Variants in OCA2 observed in about 807,000 individuals in gnomAD.
OCA2 encodes the protein OCA2 melanosomal transmembrane protein.
A neutral mutation model predicts 100.2 loss-of-function variants in OCA2; 77 were observed. The ratio of observed to expected loss-of-function variants is 0.77; its 90% CI spans 0.64 to 0.93. OCA2 has a LOEUF of 0.93. Among genes scored for constraint, OCA2 ranks in the 40% least tolerant of loss-of-function variants. OCA2 has a pLI of 0.00. For missense variants in OCA2, 1,062 were observed against 1,089.1 expected (o/e 0.98, Z 0.35); for synonymous variants, 432 against 439.2 (o/e 0.98, Z 0.21).
In OCA2 at chr15:28,011,885, C is replaced by A. The variant is rs113390938; in HGVS notation, c.1044+2891G>T. Among the ~76,000 whole-genome samples, 1,182 of 150,558 alleles carry A rather than the reference C, an allele frequency of 7.9e-3. 20 individuals carry two copies. Among genetic ancestry groups the A allele is most frequent in the African/African-American group, 0.028 (1,124 of 40,856 alleles). On this transcript the variant is annotated intron_variant, in intron 9 of 23. Transcript: ENST00000354638. Reference sequence around the variant, plus strand: ...TGAGCCGAGATTGGACCATTGCACTCCAGCCTGGGCAACAGAGGGAGACTC... The same window carrying A: ...TGAGCCGAGATTGGACCATTGCACTACAGCCTGGGCAACAGAGGGAGACTC...
intron 18 of OCA2, among the ~76,000 whole-genome samples, chr15:27,933,555 G>T (rs138941928): frequency 6.6e-6 from 1 of 152,196 alleles, no homozygotes; most frequent in African/African-American, 2.4e-5. Context: ...AGCTGAGTTC[G>T]AAAAGAGAGT....
chr15:27,766,084 G>A (rs1402673352), intron 23 of OCA2, among the ~76,000 whole-genome samples: 1 of 152,140 alleles, frequency 6.6e-6, no homozygotes, highest in Non-Finnish European at 1.5e-5. Context: ...TCAGCTTCCT[G>A]TCAGCCTCTA....
chr15:27,723,374 G>A, the OCA2 span, among the ~76,000 whole-genome samples: 6 of 152,256 alleles, frequency 3.9e-5, no homozygotes, highest in African/African-American at 1.2e-4. Context: ...CGTGCTATGA[G>A]CACTGCTGTG....
At chr15:27,866,777 C>A (rs2036342411) in intron 21 of OCA2, among the ~76,000 whole-genome samples, 1 of 152,200 alleles carries the variant, frequency 6.6e-6, no homozygotes, top group Non-Finnish European at 1.5e-5. Flanking sequence ...TTTGAAGCCT[C>A]CTCGGAGATC....
intron 19 of OCA2, among the ~76,000 whole-genome samples, chr15:27,882,727 G>A (rs1395980221): frequency 3.3e-5 from 5 of 151,950 alleles, no homozygotes; most frequent in Non-Finnish European, 7.4e-5. Flanking sequence ...ATTGGCTTCT[G>A]ACCACAATTT....
chr15:27,896,495 CA>C, intron 19 of OCA2: 1 of 561,648 alleles, frequency 1.8e-6, no homozygotes, highest in Non-Finnish European at 3.2e-6. Flanking sequence ...GGAACTGTCC[CA>C]AAATGTCCCT....
rs1460957931 is a variant in OCA2, at chr15:27,872,502, C to T, written c.2080-580G>A. 2.6e-5 allele frequency among the ~76,000 whole-genome samples: 4 copies of T among 152,188 alleles called. No individual in the cohort carries two copies. The South Asian group carries it at 8.3e-4, about 32-fold the overall frequency. On this transcript the variant is annotated intron_variant, in intron 19 of 23. Transcript: ENST00000354638. The stretch of plus-strand genomic sequence containing the variant: ...AGCCTTCTGCCCAGGTGGCCAAGGT[C>T]CCACACAGGGATGCCCAGAGGCTCA...
At chr15:27,959,694 C>T (rs1198898217) in intron 15 of OCA2, among the ~76,000 whole-genome samples, 1 of 152,164 alleles carries the variant, frequency 6.6e-6, no homozygotes, top group Non-Finnish European at 1.5e-5. Flanking sequence ...AGCCTGGGAA[C>T]CAAGGCTATG....
chr15:27,730,983 T>G, the OCA2 span, among the ~76,000 whole-genome samples: 2 of 151,722 alleles, frequency 1.3e-5, no homozygotes, highest in African/African-American at 4.8e-5. Flanking sequence ...GTTAAAAATT[T>G]TTTTTATTTC....
intron 18 of OCA2, among the ~76,000 whole-genome samples, chr15:27,933,100 G>A (rs1032612780): frequency 7.9e-5 from 12 of 152,310 alleles, no homozygotes; most frequent in African/African-American, 2.6e-4. Flanking sequence ...AACAAATGGT[G>A]TTGAGGAAAC....
At chr15:27,876,490 T>C (rs1268784928) in intron 19 of OCA2, among the ~76,000 whole-genome samples, 2 of 152,030 alleles carry the variant, frequency 1.3e-5, no homozygotes, top group Non-Finnish European at 2.9e-5. Context: ...ACCTCCATTA[T>C]TTTCTGAAAG....
chr15:27,835,909 G>A (rs796344692), intron 23 of OCA2, among the ~76,000 whole-genome samples: 1 of 152,200 alleles, frequency 6.6e-6, no homozygotes, highest in Non-Finnish European at 1.5e-5. Context: ...TGGAGGGGGG[G>A]TGGTCACCCC....
chr15:27,771,386 TAAAAAAAA>T (rs35814221), intron 23 of OCA2, among the ~76,000 whole-genome samples: 2 of 131,652 alleles, frequency 1.5e-5, no homozygotes, highest in Non-Finnish European at 3.2e-5. Flanking sequence ...GAGAGAAGCC[TAAAAAAAA>T]AAAAAAAAAA....
intron 2 of OCA2, among the ~76,000 whole-genome samples, chr15:28,048,076 G>A (rs569161720): frequency 1.9e-4 from 29 of 152,228 alleles, no homozygotes; most frequent in African/African-American, 5.5e-4. Context: ...GGTAAAAGAC[G>A]TGTACACTAA....
intron 19 of OCA2, among the ~76,000 whole-genome samples, chr15:27,873,937 A>G (rs191190849): frequency 2.2e-4 from 34 of 152,350 alleles, no homozygotes; most frequent in Middle Eastern, 3.4e-3. Context: ...TATACATATT[A>G]CTTGTCTCCT....
intron 19 of OCA2, among the ~76,000 whole-genome samples, chr15:27,893,468 T>C (rs1207722551): frequency 6.6e-6 from 1 of 152,222 alleles, no homozygotes; most frequent in Admixed American, 6.5e-5. Context: ...AAAAGAGCCA[T>C]ATTTTTCTTC....
intron 18 of OCA2, among the ~76,000 whole-genome samples, chr15:27,937,716 G>T (rs2039506956): frequency 1.3e-5 from 2 of 152,164 alleles, no homozygotes; most frequent in Admixed American, 1.3e-4. Flanking sequence ...CTTCTTCTGT[G>T]AAGTGTCTAC....
intron 2 of OCA2, among the ~76,000 whole-genome samples, chr15:28,079,742 G>A (rs2044556786): frequency 6.6e-6 from 1 of 152,158 alleles, no homozygotes. Context: ...GTAGTTGCCA[G>A]TGCCATCCCG....
intron 19 of OCA2, among the ~76,000 whole-genome samples, chr15:27,923,926 T>C (rs2038954850): frequency 6.6e-6 from 1 of 152,224 alleles, no homozygotes; most frequent in Admixed American, 6.5e-5. Flanking sequence ...TGTCATAAAA[T>C]CTTTTCCCGT....
Sources: gnomAD v4.1 joint callset for allele counts (sites outside exome capture counted in the v4.1 genomes callset) on GRCh38, gnomAD v4.1.1 for gene constraint, MANE v1.5 for transcripts, NCBI Gene and HGNC (gene_info 2026-07-23, HGNC 2026-07-21) for gene names.